MTRF1: variants seen among roughly 807,000 people sequenced by gnomAD.
The protein encoded by MTRF1 is peptide chain release factor 1, mitochondrial.
Under a neutral mutation model 62.9 loss-of-function variants are expected in MTRF1, and 51 were observed. That is an observed-to-expected ratio of 0.81 (90% CI 0.65 to 1.02). MTRF1 has a LOEUF of 1.02. Among genes scored for constraint, MTRF1 ranks in the 50% least tolerant of loss-of-function variants. MTRF1 has a pLI of 0.00. For synonymous variants in MTRF1, 158 were observed against 181.9 expected (o/e 0.87, Z 1.06); for missense variants, 446 against 530.0 (o/e 0.84, Z 1.56).
At chr13:41,261,191 G>T in intron 1 of MTRF1, 1 of 239,466 alleles carries the variant, frequency 4.2e-6, no homozygotes, top group South Asian at 7.5e-5. Flanking sequence ...AAAATTATCC[G>T]GGCGTGGTGG....
At chr13:41,269,302 C>T in the MTRF1 span, among the ~76,000 whole-genome samples, 3 of 147,128 alleles carry the variant, frequency 2.0e-5, no homozygotes, top group African/African-American at 7.6e-5. Flanking sequence ...CGAGTTCAAG[C>T]AATTTTCCTG....
chr13:41,303,537 G>T, the MTRF1 span, among the ~76,000 whole-genome samples: 1 of 152,196 alleles, frequency 6.6e-6, no homozygotes, highest in Non-Finnish European at 1.5e-5. Flanking sequence ...CTTGATTGAG[G>T]ACCCAAAGGA....
At chr13:41,252,810 G>T in intron 4 of MTRF1, 58 bp from the exon 5 acceptor site, 1 of 1,468,218 alleles carries the variant, frequency 6.8e-7, no homozygotes, top group South Asian at 1.2e-5. Context: ...CCACCCTTAA[G>T]ACTAAGTCCT....
At position 41,223,340 on chromosome 13, in the gene MTRF1, G is replaced by C. The variant is rs1298874985; in HGVS notation, c.1140C>G (p.Ala380=). 1.2e-6 allele frequency: 2 copies of C among 1,613,508 alleles called. No individual in the cohort carries two copies. The highest frequency in any genetic ancestry group is 2.7e-5 in the African/African-American group (2 of 74,816). Reference sequence around the variant, plus strand: ...TATATGTCCGAATTCGCTCTGACTGGGCTCTTGTTCCCACCTGTGCCATAA... The same window carrying C: ...TATATGTCCGAATTCGCTCTGACTGCGCTCTTGTTCCCACCTGTGCCATAA... The part of the protein sequence containing the change: ...SARKLQVGTR[A]QSERIRTYNF... The change falls in exon 9 of 10, where the codon GCC becomes GCG. Residue 380 remains alanine, a synonymous_variant. Coordinates refer to ENST00000379480, the MANE Select transcript of MTRF1 (RefSeq NM_004294.4).
intron 2 of MTRF1, among the ~76,000 whole-genome samples, chr13:41,259,157 CTG>C (rs2040094626): frequency 6.6e-6 from 1 of 152,210 alleles, no homozygotes; most frequent in Non-Finnish European, 1.5e-5. Flanking sequence ...CCCTCATACA[CTG>C]TGTGTAGAGC....
chr13:41,223,254 A>G lies in MTRF1; in HGVS notation c.1224+2T>C. 1.2e-6 allele frequency: 2 copies of G among 1,602,244 alleles called. No individual in the cohort carries two copies. Among genetic ancestry groups the G allele is most frequent in the African/African-American group, 2.7e-5 (2 of 74,756 alleles). ...TAGGCAAAGCATACTCAGTAGTATT[A>G]CCTTAATATCACGAACTTCATATGC... On this transcript the variant is annotated splice_donor_variant, in intron 9 of 9. Transcript: ENST00000379480. LOFTEE classifies it high-confidence loss of function.
chr13:41,288,678 A>G, the MTRF1 span, among the ~76,000 whole-genome samples: 1 of 152,190 alleles, frequency 6.6e-6, no homozygotes, highest in Non-Finnish European at 1.5e-5. Flanking sequence ...TATGATATAC[A>G]TCATTTTAGT....
At chr13:41,230,229 CG>C (rs2035284570) in intron 7 of MTRF1, among the ~76,000 whole-genome samples, 1 of 151,608 alleles carries the variant, frequency 6.6e-6, no homozygotes, top group Non-Finnish European at 1.5e-5. Flanking sequence ...GTTATTATTA[CG>C]GATGTTTTAT....
intron 9 of MTRF1, among the ~76,000 whole-genome samples, chr13:41,222,973 A>T (rs1002516209): frequency 1.5e-4 from 23 of 152,218 alleles, no homozygotes; most frequent in African/African-American, 5.3e-4. Context: ...TAGAAAACCA[A>T]TACCCATGTA....
the MTRF1 span, among the ~76,000 whole-genome samples, chr13:41,275,646 C>A: frequency 6.6e-6 from 1 of 152,056 alleles, no homozygotes; most frequent in Non-Finnish European, 1.5e-5. Flanking sequence ...GTATGCATCA[C>A]CATGCCTGGC....
chr13:41,261,866 T>C (rs761746710), intron 1 of MTRF1: 3 of 803,850 alleles, frequency 3.7e-6, no homozygotes, highest in Admixed American at 6.2e-5. Flanking sequence ...ACCAAGAAAG[T>C]AGGGCTGGTG....
intron 5 of MTRF1, among the ~76,000 whole-genome samples, chr13:41,241,721 T>C (rs931234729): frequency 6.6e-6 from 1 of 152,264 alleles, no homozygotes; most frequent in Non-Finnish European, 1.5e-5. Context: ...GAACTTGGGC[T>C]GCTGACCTGT....
At chr13:41,235,024 T>A (rs978615111) in intron 6 of MTRF1, 1 of 152,156 alleles carries the variant, frequency 6.6e-6, no homozygotes, top group African/African-American at 2.4e-5. Context: ...GATGGGTTAT[T>A]TTTAGAATTT....
the MTRF1 span, among the ~76,000 whole-genome samples, chr13:41,290,186 T>A: frequency 7.4e-6 from 1 of 134,666 alleles, no homozygotes; most frequent in Non-Finnish European, 1.5e-5. Flanking sequence ...AACCTCCGCC[T>A]CCCGGGTTTT....
the MTRF1 span, among the ~76,000 whole-genome samples, chr13:41,309,255 GC>G: frequency 6.6e-6 from 1 of 151,322 alleles, no homozygotes; most frequent in Admixed American, 6.6e-5. Context: ...TTGGCTCACT[GC>G]AACCTGTCTC....
At chr13:41,267,171 C>A (rs79363899), upstream of MTRF1, among the ~76,000 whole-genome samples, 134 of 150,074 alleles carry the variant, frequency 8.9e-4, no homozygotes, top group African/African-American at 3.2e-3. Context: ...TTTTTCCTTG[C>A]AATGTATTTG....
At chr13:41,235,899 GT>G (rs2036439183) in intron 6 of MTRF1, 1 of 150,192 alleles carries the variant, frequency 6.7e-6, no homozygotes, top group South Asian at 2.1e-4. Context: ...TTTTTATTTT[GT>G]TTGTTTTTTG....
At chr13:41,238,714 A>C (rs1438706762) in intron 6 of MTRF1, among the ~76,000 whole-genome samples, 2 of 152,218 alleles carry the variant, frequency 1.3e-5, no homozygotes, top group African/African-American at 4.8e-5. Flanking sequence ...ATACTTTTAC[A>C]ATGGAGATAT....
At chr13:41,287,693 T>G in the MTRF1 span, 1 of 158,028 alleles carries the variant, frequency 6.3e-6, no homozygotes, top group Non-Finnish European at 1.4e-5. Flanking sequence ...TTAAGCAAAA[T>G]GTACAACAGT....
Sources: allele counts gnomAD v4.1 joint callset (sites outside exome capture counted in the v4.1 genomes callset), GRCh38; gene constraint gnomAD v4.1.1; transcripts MANE v1.5; gene names NCBI Gene and HGNC (gene_info 2026-07-23, HGNC 2026-07-21).